CAMTA1: variants seen among roughly 807,000 people sequenced by gnomAD.
The protein encoded by CAMTA1 is calmodulin-binding transcription activator 1.
In CAMTA1, 27 loss-of-function variants were observed where a neutral mutation model predicts 170.9. The observed-to-expected ratio is 0.16, with a 90% CI of 0.12 to 0.22. CAMTA1 has a LOEUF of 0.22. CAMTA1 is among the 10% of genes least tolerant of loss of function. The probability of loss-of-function intolerance (pLI) is 1.00; values close to 1 mark genes in which losing one functional copy is unlikely to be tolerated. For synonymous variants in CAMTA1, 833 were observed against 891.5 expected, an observed-to-expected ratio of 0.93 and a Z score of 1.17; for missense variants, 1,619 against 2,217.2, an observed-to-expected ratio of 0.73 and a Z score of 5.42.
chr1:7,677,453 A>G, intron 10 of CAMTA1, 146 bp from the exon 11 acceptor site: 1 of 954,194 alleles, frequency 1.0e-6, no homozygotes. Flanking sequence ...TTGGGCCTCG[A>G]ATGAGCAGGC....
At chr1:6,978,613 A>G (rs1693894458) in intron 3 of CAMTA1, among the ~76,000 whole-genome samples, 1 of 151,864 alleles carries the variant, frequency 6.6e-6, no homozygotes, top group East Asian at 1.9e-4. Flanking sequence ...CAGCCTGGGC[A>G]ACAGAGCGAG....
intron 5 of CAMTA1, among the ~76,000 whole-genome samples, chr1:7,275,818 T>A (rs1462697525): frequency 6.6e-6 from 1 of 152,064 alleles, no homozygotes; most frequent in Non-Finnish European, 1.5e-5. Flanking sequence ...TTTAAAAAAA[T>A]TTAAGGCAAG....
chr1:7,471,106 T>G (rs962187588), intron 6 of CAMTA1, among the ~76,000 whole-genome samples: 3 of 152,186 alleles, frequency 2.0e-5, no homozygotes, highest in African/African-American at 7.2e-5. Context: ...AGGGCCTGAG[T>G]TGACGTGGCA....
chr1:7,150,457 C>T (rs907454609), intron 4 of CAMTA1, among the ~76,000 whole-genome samples: 4 of 152,160 alleles, frequency 2.6e-5, no homozygotes, highest in Admixed American at 6.5e-5. Flanking sequence ...TGCCTCTACA[C>T]CCAGGCCTCT....
chr1:7,125,583 T>C (rs1054945845), intron 4 of CAMTA1, among the ~76,000 whole-genome samples: 21 of 151,192 alleles, frequency 1.4e-4, no homozygotes, highest in African/African-American at 4.6e-4. Flanking sequence ...CAAGGAGGAG[T>C]AGGAACTCAC....
In CAMTA1 at chr1:7,668,779, C is replaced by A. The variant is rs74053182; in HGVS notation, c.2653-2132C>A. Among the ~76,000 whole-genome samples, 1,272 of 152,222 alleles carry A rather than the reference C, an allele frequency of 8.4e-3. 17 individuals carry two copies. Among genetic ancestry groups the A allele is most frequent in the African/African-American group, 0.029 (1,197 of 41,508 alleles). On this transcript the variant is annotated intron_variant, in intron 9 of 22. Transcript: ENST00000303635. Reference sequence around the variant, plus strand: ...AGTAATTTCTGCAGTTCTTTGTTCCCGGCAGCAGCCCCAGCCTCATGCTAG... The same window carrying A: ...AGTAATTTCTGCAGTTCTTTGTTCCAGGCAGCAGCCCCAGCCTCATGCTAG...
At position 6,970,958 on chromosome 1, in the gene CAMTA1, G is replaced by A. The variant is rs1441746744; in HGVS notation, c.235-120346G>A. Among the ~76,000 whole-genome samples the A allele has an allele frequency of 6.6e-6, 1 of 152,292 alleles. No individual in the cohort carries two copies. The highest frequency in any genetic ancestry group is 1.5e-5 in the Non-Finnish European group (1 of 68,008). ...TCCTTTCCTAAACCAGGCCGGCCCT[G>A]TCAGCCTGGCTCCAAACTTCACTCC... On this transcript the variant is annotated intron_variant, in intron 3 of 22. Transcript: ENST00000303635. The surrounding 1 kb of genome is among the most constrained non-coding windows in gnomAD (Gnocchi z 4.4).
chr1:6,817,698 G>T (rs971189697), intron 1 of CAMTA1, among the ~76,000 whole-genome samples: 1 of 152,106 alleles, frequency 6.6e-6, no homozygotes, highest in African/African-American at 2.4e-5. Context: ...CAATAGCATG[G>T]TCATGGTTCA....
chr1:7,391,328 AGTGT>A (rs35663101), intron 5 of CAMTA1, among the ~76,000 whole-genome samples: 10 of 146,922 alleles, frequency 6.8e-5, no homozygotes, highest in African/African-American at 1.3e-4. Context: ...CCCTTTACAC[AGTGT>A]GTGTGTGTGT....
chr1:7,261,221 C>T (rs1285959918), intron 5 of CAMTA1, among the ~76,000 whole-genome samples: 1 of 152,204 alleles, frequency 6.6e-6, no homozygotes, highest in African/African-American at 2.4e-5. Context: ...TGGTTCCTTA[C>T]ATCCTTTGTG....
At chr1:7,341,326 C>T (rs1369487335) in intron 5 of CAMTA1, among the ~76,000 whole-genome samples, 1 of 152,214 alleles carries the variant, frequency 6.6e-6, no homozygotes, top group African/African-American at 2.4e-5. Flanking sequence ...AGAAGTGGAG[C>T]CACTGTTCTC....
chr1:7,336,802 C>T lies in CAMTA1; in HGVS notation c.438+87176C>T, dbSNP rs567375118. On this transcript the variant is annotated intron_variant, in intron 5 of 22. Transcript: ENST00000303635. ...CCCTGCAGAGCTAACCACTGGGCCT[C>T]CTTCACAGAGCTCTCTCGGGGCCAG... Among the ~76,000 whole-genome samples the T allele has an allele frequency of 8.5e-5, 13 of 152,292 alleles. No homozygotes were observed. The South Asian group carries it at 2.7e-3, about 32-fold the overall frequency.
chr1:7,679,580 C>CT (rs59296896), intron 11 of CAMTA1, among the ~76,000 whole-genome samples: 67,967 of 149,120 alleles, frequency 0.46, 16,464 homozygotes, highest in Middle Eastern at 0.56. Context: ...TAGCTGCCCC[C>CT]CCCCCCAGAA....
intron 5 of CAMTA1, among the ~76,000 whole-genome samples, chr1:7,394,751 T>C (rs1441020368): frequency 6.6e-6 from 1 of 151,974 alleles, no homozygotes; most frequent in Admixed American, 6.6e-5. Flanking sequence ...GAGGTATTAT[T>C]TTTAAAAAAT....
At chr1:7,176,008 G>A (rs1395400258) in intron 4 of CAMTA1, among the ~76,000 whole-genome samples, 1 of 152,226 alleles carries the variant, frequency 6.6e-6, no homozygotes, top group Non-Finnish European at 1.5e-5. Context: ...CCCCCAGGGA[G>A]GGCAGCCTGG....
intron 6 of CAMTA1, among the ~76,000 whole-genome samples, chr1:7,518,591 G>A (rs1228156548): frequency 6.6e-6 from 1 of 151,948 alleles, no homozygotes; most frequent in East Asian, 1.9e-4. Context: ...AGCCTGGGCC[G>A]CCCACACTGC....
chr1:7,569,268 C>G (rs1484664378), intron 6 of CAMTA1, among the ~76,000 whole-genome samples: 1 of 146,612 alleles, frequency 6.8e-6, no homozygotes, highest in East Asian at 2.0e-4. Context: ...TCACCATCAT[C>G]ATCATCACAT....
At position 7,583,689 on chromosome 1, in the gene CAMTA1, C is replaced by T. The variant is rs140714903; in HGVS notation, c.511-56711C>T. Reference sequence around the variant, plus strand: ...GGGGCAGTGACCAGACTCTGAGGGTCGTCTGGAGGCTCTGTCCCGTCCCAA... The same window carrying T: ...GGGGCAGTGACCAGACTCTGAGGGTTGTCTGGAGGCTCTGTCCCGTCCCAA... On this transcript the variant is annotated intron_variant, in intron 6 of 22. Transcript: ENST00000303635. Among the ~76,000 whole-genome samples the T allele has an allele frequency of 1.1e-4, 17 of 152,262 alleles. No individual in the cohort carries two copies. In the East Asian group the frequency reaches 2.3e-3, roughly 21 times the overall value.
intron 4 of CAMTA1, among the ~76,000 whole-genome samples, chr1:7,187,476 T>C (rs1157235417): frequency 6.6e-6 from 1 of 152,232 alleles, no homozygotes; most frequent in Non-Finnish European, 1.5e-5. Context: ...GTCAATCCTA[T>C]ATTTGTCTCC....
Sources: allele counts gnomAD v4.1 joint callset (sites outside exome capture counted in the v4.1 genomes callset), GRCh38; gene constraint gnomAD v4.1.1; non-coding constraint Gnocchi (gnomAD v3.1); transcripts MANE v1.5; gene names NCBI Gene and HGNC (gene_info 2026-07-23, HGNC 2026-07-21).